Variants in ABCB7 observed in about 807,000 individuals in gnomAD.
ABCB7 encodes ATP binding cassette subfamily B member 7, also known as iron-sulfur clusters transporter ABCB7, mitochondrial.
ABCB7 carries 7 observed loss-of-function variants against 54.4 expected under a neutral mutation model. That is an observed-to-expected ratio of 0.13 (90% CI 0.07 to 0.24). The LOEUF (loss-of-function observed/expected upper bound fraction) is 0.24. Ranked by LOEUF, ABCB7 falls within the 10% of genes least tolerant of loss-of-function variation. The pLI is 1.00. For synonymous variants in ABCB7, 218 were observed against 207.1 expected (o/e 1.05, Z -0.45); for missense variants, 356 against 570.4 (o/e 0.62, Z 3.83).
At chrX:75,151,345 T>G (rs2082130916) in intron 1 of ABCB7, among the ~76,000 whole-genome samples, 1 of 111,424 alleles carries the variant, frequency 9.0e-6, no homozygotes, top group Admixed American at 9.6e-5. Flanking sequence ...TTACAACTTT[T>G]ATAGCATTAC....
intron 1 of ABCB7, among the ~76,000 whole-genome samples, chrX:75,138,558 A>C (rs1269646345): frequency 2.7e-5 from 3 of 112,363 alleles, no homozygotes; most frequent in Non-Finnish European, 5.6e-5. Context: ...GATATTAACA[A>C]GTAACTTGAC....
intron 15 of ABCB7, among the ~76,000 whole-genome samples, chrX:75,056,821 T>C (rs1405084082): frequency 9.0e-6 from 1 of 111,682 alleles, no homozygotes; most frequent in Non-Finnish European, 1.9e-5. Flanking sequence ...ATAAGCTCAA[T>C]CTTACACTAT....
chrX:75,053,288 T>A lies in ABCB7; in HGVS notation c.*82A>T. 1.8e-6 allele frequency: 2 copies of A among 1,117,525 alleles called. No homozygotes were observed. The highest frequency in any genetic ancestry group is 2.4e-6 in the Non-Finnish European group (2 of 821,690). The allele number at this position is 1,117,525 out of a possible 1,213,427, so 92.1% of individuals were successfully genotyped here. On this transcript the variant is annotated 3_prime_UTR_variant, in exon 16 of 16. Coordinates refer to ENST00000373394, the MANE Select transcript of ABCB7 (RefSeq NM_001271696.3). The stretch of plus-strand genomic sequence containing the variant: ...AGAAGGATTATAGAAAATGGGAATG[T>A]ATGATTTTTTTAATAAAACAATTCT...
intron 4 of ABCB7, among the ~76,000 whole-genome samples, chrX:75,090,548 T>C (rs181381029): frequency 9.3e-6 from 1 of 107,599 alleles, no homozygotes. Flanking sequence ...AGATCTAAGA[T>C]GAATAATGTA....
intron 4 of ABCB7, among the ~76,000 whole-genome samples, chrX:75,083,168 G>A (rs2081469294): frequency 8.9e-6 from 1 of 111,775 alleles, no homozygotes; most frequent in African/African-American, 3.2e-5. Context: ...ACTACTGACA[G>A]TTTGGGTTCC....
At chrX:75,071,001 T>G (rs1485000147) in intron 9 of ABCB7, among the ~76,000 whole-genome samples, 1 of 109,922 alleles carries the variant, frequency 9.1e-6, no homozygotes, top group African/African-American at 3.3e-5. Context: ...TTTCCACAGA[T>G]TTTCCACATA....
At chrX:75,153,763 TATATATATATAAA>T (rs2082151937) in intron 1 of ABCB7, among the ~76,000 whole-genome samples, 2 of 101,851 alleles carry the variant, frequency 2.0e-5, no homozygotes, top group African/African-American at 3.5e-5. Context: ...TGTGTGTGTA[TATATATATATAAA>T]ATATATATGT....
intron 12 of ABCB7, among the ~76,000 whole-genome samples, chrX:75,068,656 C>T (rs946677917): frequency 9.0e-6 from 1 of 111,628 alleles, no homozygotes; most frequent in Non-Finnish European, 1.9e-5. Flanking sequence ...ATCTCTAATC[C>T]ACAATAATTC....
intron 1 of ABCB7, among the ~76,000 whole-genome samples, chrX:75,146,846 G>C (rs2082094448): frequency 9.0e-6 from 1 of 111,540 alleles, no homozygotes; most frequent in Non-Finnish European, 1.9e-5. Flanking sequence ...AAGAACTTCT[G>C]CATAGCAAAA....
intron 4 of ABCB7, among the ~76,000 whole-genome samples, chrX:75,089,654 A>G (rs1304226898): frequency 9.0e-6 from 1 of 111,483 alleles, no homozygotes; most frequent in Non-Finnish European, 1.9e-5. Context: ...AAAAGCAAAA[A>G]CCAAAGAAGA....
intron 1 of ABCB7, among the ~76,000 whole-genome samples, chrX:75,119,776 AAT>A (rs1338499109): frequency 8.9e-6 from 1 of 111,896 alleles, no homozygotes; most frequent in African/African-American, 3.2e-5. Flanking sequence ...GTATGTTATT[AAT>A]AGTTACAATT....
intron 1 of ABCB7, among the ~76,000 whole-genome samples, chrX:75,155,444 G>A (rs1453662545): frequency 1.8e-5 from 2 of 112,253 alleles, no homozygotes; most frequent in Admixed American, 1.9e-4. Flanking sequence ...ATTTTAGGAG[G>A]CACTACAACC....
chrX:75,119,570 G>T (rs1192478169), intron 1 of ABCB7, among the ~76,000 whole-genome samples: 1 of 111,958 alleles, frequency 8.9e-6, no homozygotes, highest in Non-Finnish European at 1.9e-5. Flanking sequence ...ATAAGGTTTT[G>T]TTAGGAATTG....
chrX:75,084,959 C>T (rs956616925), intron 4 of ABCB7, among the ~76,000 whole-genome samples: 1 of 112,028 alleles, frequency 8.9e-6, no homozygotes. Context: ...CAAGTGTTGA[C>T]AAAGAAGCAA....
chrX:75,074,284 A>T (rs1186096811), intron 6 of ABCB7, among the ~76,000 whole-genome samples: 2 of 111,508 alleles, frequency 1.8e-5, no homozygotes, highest in Non-Finnish European at 3.8e-5. Context: ...GAGAAATGCA[A>T]ATCAAAACCA....
chrX:75,075,211 T>C, intron 6 of ABCB7, 151 bp downstream of exon 6: 1 of 612,504 alleles, frequency 1.6e-6, no homozygotes. Flanking sequence ...TTGAAGCTTG[T>C]GGCAAAATAA....
chrX:75,073,800 G>T (rs761692635), intron 7 of ABCB7, 24 bp from the exon 8 acceptor site: 1 of 1,179,532 alleles, frequency 8.5e-7, no homozygotes, highest in Admixed American at 2.2e-5. Context: ...ATTTGCATAG[G>T]CATGAAATAC....
chrX:75,067,253 A>T (rs1233697351), intron 12 of ABCB7, among the ~76,000 whole-genome samples: 1 of 111,489 alleles, frequency 9.0e-6, no homozygotes, highest in African/African-American at 3.3e-5. Context: ...TTGTTGATTT[A>T]ATTTATATTG....
At position 75,108,017 on chromosome X, in the gene ABCB7, C is replaced by G. The variant is rs757964657; in HGVS notation, c.333+4869G>C. 3.1e-4 allele frequency among the ~76,000 whole-genome samples: 34 copies of G among 111,040 alleles called. No homozygotes were observed. In the South Asian group the frequency reaches 0.013, roughly 42 times the overall value. On this transcript the variant is annotated intron_variant, in intron 3 of 15. Transcript: ENST00000373394. ...CCAGGCAGCATTTACCACAAGCTGA[C>G]TGAAGAGCCCTTGGGCCTTAAGGGG...
Sources: gnomAD v4.1 joint callset for allele counts (sites outside exome capture counted in the v4.1 genomes callset) on GRCh38, gnomAD v4.1.1 for gene constraint, MANE v1.5 for transcripts, NCBI Gene and HGNC (gene_info 2026-07-23, HGNC 2026-07-21) for gene names.